Variants in TRMT61B observed in about 807,000 individuals in gnomAD.
The protein encoded by TRMT61B is tRNA methyltransferase 61B, also known as tRNA (adenine(58)-N(1))-methyltransferase, mitochondrial.
Under a neutral mutation model 52.0 loss-of-function variants are expected in TRMT61B, and 56 were observed. That is an observed-to-expected ratio of 1.08 (90% CI 0.87 to 1.35). The LOEUF (loss-of-function observed/expected upper bound fraction) is 1.35. Among genes scored for constraint, TRMT61B ranks in the 40% most tolerant of loss-of-function variants. TRMT61B has a pLI of 0.00. For synonymous variants in TRMT61B, 206 were observed against 220.0 expected, an observed-to-expected ratio of 0.94 and a Z score of 0.56; for missense variants, 650 against 577.9, an observed-to-expected ratio of 1.12 and a Z score of -1.28.
Position 28,850,385 on chromosome 2 carries a change from G to T in TRMT61B, c.1333C>A (p.Pro445Thr). ...DDHEESHSDF[P>T]YGSFPYVARP... is the part of the protein sequence containing the mutation. ...GCAACATAGGGAAATGATCCATATG[G>T]AAAATCAGAATGCGATTCTTCTGTT... The change falls in exon 6 of 7, where the codon CCA becomes ACA. Residue 445 changes from proline (P) to threonine (T), a missense_variant. Coordinates refer to ENST00000306108, the MANE Select transcript of TRMT61B (RefSeq NM_017910.4). 6.2e-7 allele frequency: 1 copy of T among 1,606,420 alleles called. No homozygotes were observed. Among genetic ancestry groups the T allele is most frequent in the Non-Finnish European group, 8.5e-7 (1 of 1,175,998 alleles).
chr2:28,855,084 G>A (rs560355161), intron 3 of TRMT61B, among the ~76,000 whole-genome samples: 1 of 152,268 alleles, frequency 6.6e-6, no homozygotes, highest in South Asian at 2.1e-4. Flanking sequence ...GGAGGGAACA[G>A]CAAATATTTA....
intron 1 of TRMT61B, among the ~76,000 whole-genome samples, chr2:28,866,266 C>T (rs1392006492): frequency 6.6e-6 from 1 of 152,178 alleles, no homozygotes; most frequent in Non-Finnish European, 1.5e-5. Flanking sequence ...GCTGGGATTA[C>T]AGGTGTGAGC....
chr2:28,851,392 T>C (rs1669091855), intron 4 of TRMT61B, 94 bp from the exon 5 acceptor site: 2 of 834,722 alleles, frequency 2.4e-6, no homozygotes, highest in Non-Finnish European at 3.5e-6. Flanking sequence ...TTAAATACCA[T>C]AGTTAAATTA....
At chr2:28,850,589 A>C (rs1459279255) in intron 5 of TRMT61B, 184 bp from the exon 6 acceptor site, 3 of 535,372 alleles carry the variant, frequency 5.6e-6, no homozygotes, top group Non-Finnish European at 9.9e-6. Flanking sequence ...TTATGTAATA[A>C]ACATATGATT....
intron 1 of TRMT61B, among the ~76,000 whole-genome samples, chr2:28,867,259 C>A (rs1249697911): frequency 2.0e-5 from 3 of 152,064 alleles, no homozygotes; most frequent in Non-Finnish European, 4.4e-5. Context: ...GCATACCTGG[C>A]TAATTTTTTA....
Position 28,851,226 on chromosome 2 carries a change from G to A in TRMT61B, c.1158C>T (p.Ser386=), listed in dbSNP as rs368035699. 4.5e-5 allele frequency: 72 copies of A among 1,613,528 alleles called. No individual in the cohort carries two copies. In the African/African-American group the frequency reaches 6.4e-4, roughly 14 times the overall value. ...CELALSCEKI[S]EVIVRDWLVC... Reference sequence around the variant, plus strand: ...CCAACCAATCTCTGACAATGACCTCGCTTATCTTTTCACATGAAAGAGCAA... The same window carrying A: ...CCAACCAATCTCTGACAATGACCTCACTTATCTTTTCACATGAAAGAGCAA... Residue 386 remains serine (S), a synonymous_variant, in exon 5 of 7, where the codon AGC becomes AGT. Transcript: ENST00000306108.
intron 5 of TRMT61B, 108 bp from the exon 6 acceptor site, chr2:28,850,513 T>G: frequency 1.4e-6 from 1 of 719,980 alleles, no homozygotes; most frequent in Non-Finnish European, 2.3e-6. Flanking sequence ...TTTTTCTTTA[T>G]TTATTTCCTT....
chr2:28,860,423 A>C (rs566849284), intron 3 of TRMT61B, among the ~76,000 whole-genome samples: 1 of 152,210 alleles, frequency 6.6e-6, no homozygotes, highest in African/African-American at 2.4e-5. Flanking sequence ...CATAGTGTGA[A>C]GCTATGAACT....
At chr2:28,852,312 CAAAAAAAAAA>C (rs575953261) in intron 4 of TRMT61B, 86 bp downstream of exon 4, 9 of 299,260 alleles carry the variant, frequency 3.0e-5, no homozygotes, top group South Asian at 6.9e-5. Flanking sequence ...TTTTCTGTCT[CAAAAAAAAAA>C]AAAAAAAAAA....
intron 2 of TRMT61B, among the ~76,000 whole-genome samples, chr2:28,864,408 T>C (rs6760186): frequency 0.41 from 62,683 of 151,958 alleles, 13,835 homozygotes; most frequent in Non-Finnish European, 0.51. Context: ...ATAGAGAGTA[T>C]TATACAGCAA....
At chr2:28,860,001 G>T (rs2148135934) in intron 3 of TRMT61B, among the ~76,000 whole-genome samples, 1 of 152,220 alleles carries the variant, frequency 6.6e-6, no homozygotes, top group South Asian at 2.1e-4. Context: ...GCCAGGCACA[G>T]TGGCTCATGC....
At chr2:28,863,737 T>A (rs897936869) in intron 2 of TRMT61B, among the ~76,000 whole-genome samples, 1 of 152,170 alleles carries the variant, frequency 6.6e-6, no homozygotes, top group Non-Finnish European at 1.5e-5. Flanking sequence ...CAGAATGAAT[T>A]TACCGGCTTA....
intron 4 of TRMT61B, among the ~76,000 whole-genome samples, chr2:28,851,618 G>A (rs776182441): frequency 9.2e-5 from 14 of 152,046 alleles, no homozygotes; most frequent in African/African-American, 2.7e-4. Flanking sequence ...CGTGGGTCAC[G>A]CCTGTAATCC....
chr2:28,858,370 A>T (rs1421660145), intron 3 of TRMT61B, among the ~76,000 whole-genome samples: 2 of 150,146 alleles, frequency 1.3e-5, no homozygotes, highest in African/African-American at 4.9e-5. Context: ...TCTTTTTTCT[A>T]TTTTTTTTAA....
At chr2:28,851,502 T>C (rs1432934740) in intron 4 of TRMT61B, among the ~76,000 whole-genome samples, 1 of 152,256 alleles carries the variant, frequency 6.6e-6, no homozygotes, top group African/African-American at 2.4e-5. Context: ...AACATTACTG[T>C]TCACATTATA....
intron 3 of TRMT61B, among the ~76,000 whole-genome samples, chr2:28,856,789 C>A (rs905438403): frequency 6.6e-6 from 1 of 152,016 alleles, no homozygotes; most frequent in Non-Finnish European, 1.5e-5. Context: ...CATGCGCCAC[C>A]ACACCCAACT....
intron 3 of TRMT61B, among the ~76,000 whole-genome samples, chr2:28,859,974 T>C (rs1286523489): frequency 6.6e-6 from 1 of 152,020 alleles, no homozygotes; most frequent in Non-Finnish European, 1.5e-5. Context: ...CCAGTGCTGA[T>C]AAAAATCATT....
At chr2:28,864,103 A>G (rs930904716) in intron 2 of TRMT61B, among the ~76,000 whole-genome samples, 4 of 152,114 alleles carry the variant, frequency 2.6e-5, no homozygotes, top group Non-Finnish European at 5.9e-5. Flanking sequence ...GACAATTTTT[A>G]GAGACTTTCT....
At chr2:28,863,878 A>C (rs1368939647) in intron 2 of TRMT61B, among the ~76,000 whole-genome samples, 4 of 152,196 alleles carry the variant, frequency 2.6e-5, no homozygotes, top group African/African-American at 9.7e-5. Context: ...ACTATTCAGC[A>C]GTCTAGTATT....
Sources: gnomAD v4.1 joint callset for allele counts (sites outside exome capture counted in the v4.1 genomes callset) on GRCh38, gnomAD v4.1.1 for gene constraint, MANE v1.5 for transcripts, NCBI Gene and HGNC (gene_info 2026-07-23, HGNC 2026-07-21) for gene names.